The following SOD2 variants were observed in gnomAD, a reference collection of about 807,000 sequenced individuals.
SOD2 encodes the protein superoxide dismutase [Mn], mitochondrial.
SOD2 carries 11 observed loss-of-function variants against 27.0 expected under a neutral mutation model. The observed-to-expected ratio is 0.41, with a 90% CI of 0.26 to 0.67. The LOEUF (loss-of-function observed/expected upper bound fraction) is 0.67. SOD2 is among the 30% of genes least tolerant of loss of function. The pLI is 0.34. For missense variants in SOD2, 250 were observed against 274.5 expected (o/e 0.91, Z 0.63); for synonymous variants, 105 against 103.0 (o/e 1.02, Z -0.12).
chr6:159,746,876 A>G (rs767045708), upstream of SOD2, among the ~76,000 whole-genome samples: 5 of 152,188 alleles, frequency 3.3e-5, no homozygotes, highest in African/African-American at 7.2e-5. Flanking sequence ...AGTGTTGACT[A>G]TTGGGTCTTT....
At chr6:159,732,886 AGTGTGT>A (rs67554039) in intron 1 of SOD2, among the ~76,000 whole-genome samples, 25 of 146,488 alleles carry the variant, frequency 1.7e-4, no homozygotes, top group South Asian at 4.4e-4. Context: ...ATATATATAT[AGTGTGT>A]GTGTGTGTGT....
Position 159,679,607 on chromosome 6 carries a change from CAG to C in SOD2, c.*2884_*2885del, listed in dbSNP as rs1269234048. 2 of 152,188 alleles carry C rather than the reference CAG, an allele frequency of 1.3e-5. No individual in the cohort carries two copies. Among genetic ancestry groups the C allele is most frequent in the Non-Finnish European group, 2.9e-5 (2 of 68,026 alleles). 9.4% of individuals were successfully genotyped at this position (152,188 alleles called of 1,614,324 possible). A position where few individuals can be genotyped will look rare whatever the true frequency, so the allele number is the denominator to read the frequency against. On this transcript the variant is annotated 3_prime_UTR_variant, in exon 5 of 5. Transcript: ENST00000538183. ...CAAGCAACAGATAGAATTTCAAAAA[CAG>C]TATTTGCTTTGCTTCCTTGTTTTGC... is the stretch of plus-strand genomic sequence containing the variant.
At position 159,676,004 on chromosome 6, in the gene SOD2, C is replaced by T. The variant is rs1199916095; in HGVS notation, c.*6489G>A. 6.6e-6 allele frequency: 1 copy of T among 152,208 alleles called. No individual in the cohort carries two copies. Among genetic ancestry groups the T allele is most frequent in the Non-Finnish European group, 1.5e-5 (1 of 68,044 alleles). The allele number at this position is 152,208 out of a possible 1,614,324, so 9.4% of individuals were successfully genotyped here. ...ACAGACACATGAAAAAAATGCTCAT[C>T]ATCATGGGCCATCAGAGAAATGCAA... On this transcript the variant is annotated 3_prime_UTR_variant, in exon 5 of 5. Coordinates refer to ENST00000538183, the MANE Select transcript of SOD2 (RefSeq NM_000636.4).
chr6:159,730,486 A>AT (rs1390486633), upstream of SOD2, among the ~76,000 whole-genome samples: 1 of 152,136 alleles, frequency 6.6e-6, no homozygotes, highest in Admixed American at 6.5e-5. Context: ...TTCTCGGTAC[A>AT]TTCGTGTGGT....
At chr6:159,714,138 C>T (rs1253648927) in intron 1 of SOD2, among the ~76,000 whole-genome samples, 7 of 152,144 alleles carry the variant, frequency 4.6e-5, no homozygotes, top group South Asian at 2.1e-4. Flanking sequence ...ATGAGCACAC[C>T]GGCTTTACCT....
At chr6:159,739,616 A>G (rs1315695485) in intron 1 of SOD2, among the ~76,000 whole-genome samples, 2 of 152,174 alleles carry the variant, frequency 1.3e-5, no homozygotes, top group Non-Finnish European at 2.9e-5. Context: ...TGTAATTTAA[A>G]TATATTCTTT....
intron 1 of SOD2, chr6:159,755,738 T>G: frequency 1.6e-6 from 2 of 1,221,606 alleles, no homozygotes; most frequent in Non-Finnish European, 2.1e-6. Flanking sequence ...TTTTTGTTGT[T>G]TTTTTTCTTT....
intron 1 of SOD2, among the ~76,000 whole-genome samples, chr6:159,718,647 G>A (rs112161874): frequency 4.6e-5 from 7 of 152,254 alleles, no homozygotes; most frequent in Admixed American, 1.3e-4. Flanking sequence ...GTAAAATCTT[G>A]TAAGTCAGTA....
At chr6:159,741,844 C>T (rs1196832778) in intron 1 of SOD2, 1 of 329,154 alleles carries the variant, frequency 3.0e-6, no homozygotes, top group Non-Finnish European at 5.6e-6. Flanking sequence ...AGCCATGTGC[C>T]TTTGGTCCCA....
At chr6:159,726,757 A>C in intron 1 of SOD2, 1 of 1,286,660 alleles carries the variant, frequency 7.8e-7, no homozygotes, top group Non-Finnish European at 1.0e-6. Context: ...ATGCGTCTCC[A>C]GAGATGTCAA....
chr6:159,734,475 A>G (rs1778784633), intron 1 of SOD2, among the ~76,000 whole-genome samples: 1 of 152,174 alleles, frequency 6.6e-6, no homozygotes, highest in African/African-American at 2.4e-5. Flanking sequence ...AATAAACCAT[A>G]AACACTTTAA....
chr6:159,761,515 G>A, exon 1 of SOD2: 1 of 456,130 alleles, frequency 2.2e-6, no homozygotes, highest in Non-Finnish European at 4.4e-6. Context: ...ACTGGCGCCA[G>A]GAGAAACGCA....
At chr6:159,755,573 T>C (rs1356847548) in intron 1 of SOD2, 10 of 1,613,760 alleles carry the variant, frequency 6.2e-6, no homozygotes, top group Admixed American at 5.0e-5. Context: ...TCAGAATGGC[T>C]TGGACTCAAG....
chr6:159,695,768 T>C (rs1440563320), upstream of SOD2, among the ~76,000 whole-genome samples: 1 of 152,124 alleles, frequency 6.6e-6, no homozygotes, highest in African/African-American at 2.4e-5. Context: ...AGTTCTGGGA[T>C]CTATATAGGC....
At chr6:159,719,326 C>A (rs1464781184) in intron 1 of SOD2, among the ~76,000 whole-genome samples, 2 of 152,120 alleles carry the variant, frequency 1.3e-5, no homozygotes, top group African/African-American at 4.8e-5. Flanking sequence ...AGTTCAAGAC[C>A]AGCCTGGCCA....
Position 159,671,159 on chromosome 6 carries a change from C to T in SOD2, c.*11334G>A, listed in dbSNP as rs888461035. ...GCCTGCCTGCCTCTGTAGACTCCAC[C>T]TCTGGGGGCATGGCATAGCCGAACA... On this transcript the variant is annotated 3_prime_UTR_variant, in exon 5 of 5. Transcript: ENST00000538183. 3.3e-5 allele frequency: 5 copies of T among 152,300 alleles called. No individual in the cohort carries two copies. The highest frequency in any genetic ancestry group is 1.2e-4 in the African/African-American group (5 of 41,418). 9.4% of individuals were successfully genotyped at this position (152,300 alleles called of 1,614,324 possible).
rs1779730429 is a variant in SOD2, at chr6:159,674,317, C to G, written c.*8176G>C. On this transcript the variant is annotated 3_prime_UTR_variant, in exon 5 of 5. Transcript: ENST00000538183. ...AAAAAAGAGAACTTTAGACCAATATCCCTGATGAAAATCAATGCAAAAATC... is the reference window on the plus strand; with the variant it reads ...AAAAAAGAGAACTTTAGACCAATATGCCTGATGAAAATCAATGCAAAAATC... 6.6e-6 allele frequency: 1 copy of G among 152,198 alleles called. No homozygotes were observed. The highest frequency in any genetic ancestry group is 2.1e-4 in the South Asian group (1 of 4,822). 9.4% of individuals were successfully genotyped at this position (152,198 alleles called of 1,614,324 possible).
intron 1 of SOD2, among the ~76,000 whole-genome samples, chr6:159,735,872 G>A (rs1778882493): frequency 6.6e-6 from 1 of 152,064 alleles, no homozygotes; most frequent in Non-Finnish European, 1.5e-5. Flanking sequence ...ACTTAAACTG[G>A]TATTACCCTT....
intron 1 of SOD2, chr6:159,736,362 T>C (rs1056330952): frequency 8.5e-7 from 1 of 1,172,028 alleles, no homozygotes; most frequent in Admixed American, 2.1e-5. Context: ...TTAAGCACTT[T>C]AAAAAAAAAT....
Sources: allele counts gnomAD v4.1 joint callset (sites outside exome capture counted in the v4.1 genomes callset), GRCh38; gene constraint gnomAD v4.1.1; transcripts MANE v1.5; gene names NCBI Gene and HGNC (gene_info 2026-07-23, HGNC 2026-07-21).